ARIH1: variants seen among roughly 807,000 people sequenced by gnomAD.
ARIH1 encodes the protein E3 ubiquitin-protein ligase ARIH1.
In ARIH1, 8 loss-of-function variants were observed where a neutral mutation model predicts 85.0. The observed-to-expected ratio is 0.09, with a 90% CI of 0.06 to 0.17. ARIH1 has a LOEUF of 0.17. ARIH1 is among the 10% of genes least tolerant of loss of function. ARIH1 has a pLI of 1.00. For synonymous variants in ARIH1, 238 were observed against 253.6 expected (o/e 0.94, Z 0.59); for missense variants, 311 against 718.1 (o/e 0.43, Z 6.48).
At chr15:72,529,854 A>G (rs2064047993) in intron 2 of ARIH1, among the ~76,000 whole-genome samples, 1 of 152,198 alleles carries the variant, frequency 6.6e-6, no homozygotes, top group Non-Finnish European at 1.5e-5. Context: ...AAATGGTTGG[A>G]AATGTTTAAT....
In ARIH1 at chr15:72,588,917, T is replaced by C. The variant is rs1215323469; in HGVS notation, c.*5625T>C. On this transcript the variant is annotated 3_prime_UTR_variant, in exon 14 of 14. Coordinates refer to ENST00000379887, the MANE Select transcript of ARIH1 (RefSeq NM_005744.5). ...TTATAAGCAAAACTGTCATTAAAGCTAGTTGCGTCAAGTCTGCACAATTCC... is the reference window on the plus strand; with the variant it reads ...TTATAAGCAAAACTGTCATTAAAGCCAGTTGCGTCAAGTCTGCACAATTCC... 1 of 152,238 alleles carries C rather than the reference T, an allele frequency of 6.6e-6. No homozygotes were observed. Among genetic ancestry groups the C allele is most frequent in the African/African-American group, 2.4e-5 (1 of 41,466 alleles). 9.4% of individuals were successfully genotyped at this position (152,238 alleles called of 1,614,324 possible).
rs988651193 is a variant in ARIH1, at chr15:72,477,935, CT to C, written c.375+2922del. The stretch of plus-strand genomic sequence containing the variant: ...ATTCCCCTTGCCTCAGCTTCCCCCC[CT>C]ACCCCAGTATCTGGGATTACAGGCA... On this transcript the variant is annotated intron_variant, in intron 1 of 13. Transcript: ENST00000379887. Among the ~76,000 whole-genome samples the C allele has an allele frequency of 1.1e-4, 17 of 152,024 alleles. No individual in the cohort carries two copies. The East Asian group carries it at 1.5e-3, about 14-fold the overall frequency.
intron 1 of ARIH1, among the ~76,000 whole-genome samples, chr15:72,488,142 C>G (rs2063844687): frequency 6.6e-6 from 1 of 152,122 alleles, no homozygotes. Context: ...CTCAAGCGAT[C>G]CTCCCACCTC....
chr15:72,504,754 T>A (rs1039863378), intron 1 of ARIH1, among the ~76,000 whole-genome samples: 1 of 152,212 alleles, frequency 6.6e-6, no homozygotes, highest in Non-Finnish European at 1.5e-5. Flanking sequence ...TCAGGCTTTT[T>A]GGTTTGAAGT....
At chr15:72,548,106 G>A (rs2064137559) in intron 3 of ARIH1, among the ~76,000 whole-genome samples, 2 of 152,162 alleles carry the variant, frequency 1.3e-5, no homozygotes, top group South Asian at 4.1e-4. Context: ...GGTTAGTTGG[G>A]TAGATAAGTA....
chr15:72,520,913 G>A (rs1229845650), intron 2 of ARIH1, among the ~76,000 whole-genome samples: 1 of 151,644 alleles, frequency 6.6e-6, no homozygotes, highest in Non-Finnish European at 1.5e-5. Flanking sequence ...GTGAGATCAT[G>A]GCTCACTATA....
intron 2 of ARIH1, among the ~76,000 whole-genome samples, chr15:72,526,307 C>G (rs1041524701): frequency 2.0e-5 from 3 of 152,116 alleles, no homozygotes; most frequent in African/African-American, 7.2e-5. Context: ...TGCCCATGGT[C>G]CCCTGAGGGC....
chr15:72,554,632 C>T (rs970797716), intron 3 of ARIH1, among the ~76,000 whole-genome samples: 6 of 152,216 alleles, frequency 3.9e-5, no homozygotes, highest in South Asian at 2.1e-4. Context: ...AGTAATCCTC[C>T]GCTCTCAGCC....
At chr15:72,561,231 G>T (rs913006635) in intron 5 of ARIH1, among the ~76,000 whole-genome samples, 1 of 151,742 alleles carries the variant, frequency 6.6e-6, no homozygotes, top group Admixed American at 6.6e-5. Flanking sequence ...ATAAAAACTG[G>T]GTAAAAGTAG....
At chr15:72,488,506 A>G (rs906861097) in intron 1 of ARIH1, among the ~76,000 whole-genome samples, 27 of 152,286 alleles carry the variant, frequency 1.8e-4, no homozygotes, top group African/African-American at 6.5e-4. Flanking sequence ...ATAGTGCTTC[A>G]TATGGATATT....
chr15:72,516,369 T>C (rs188712290), intron 1 of ARIH1, among the ~76,000 whole-genome samples: 453 of 152,224 alleles, frequency 3.0e-3, no homozygotes, highest in Non-Finnish European at 5.6e-3. Context: ...TTAGTGACTT[T>C]ATTTCAGTTG....
chr15:72,573,938 CACTA>C (rs1249360264), intron 11 of ARIH1, among the ~76,000 whole-genome samples: 1 of 152,136 alleles, frequency 6.6e-6, no homozygotes, highest in African/African-American at 2.4e-5. Flanking sequence ...AGTCATATCC[CACTA>C]ACTTTCTATA....
rs1440595138 is a variant in ARIH1, at chr15:72,586,232, A to AAATGGTTG, written c.*2944_*2951dup. 6.6e-6 allele frequency: 1 copy of AAATGGTTG among 152,234 alleles called. No individual in the cohort carries two copies. The highest frequency in any genetic ancestry group is 1.9e-4 in the East Asian group (1 of 5,202). The allele number at this position is 152,234 out of a possible 1,614,324, so 9.4% of individuals were successfully genotyped here. Reference sequence around the variant, plus strand: ...ATCCAAGACTGGCTGACTTCATTTGAAATGGTTGAATCTGCTGTGTAATAA... The same window carrying AAATGGTTG: ...ATCCAAGACTGGCTGACTTCATTTGAAATGGTTGAATGGTTGAATCTGCTGTGTAATAA... On this transcript the variant is annotated 3_prime_UTR_variant, in exon 14 of 14. Coordinates refer to ENST00000379887, the MANE Select transcript of ARIH1 (RefSeq NM_005744.5).
rs779647789 is a variant in ARIH1 at position 72,565,937 on chromosome 15, AT to A, written c.912-619del. Among the ~76,000 whole-genome samples, 24 of 152,110 alleles carry A rather than the reference AT, an allele frequency of 1.6e-4. 1 individual carries two copies. The highest frequency in any genetic ancestry group is 1.9e-4 in the Non-Finnish European group (13 of 67,962). ...TAGCTAATTAATCTGTCATTTTATTATTTTTTTCTTAAGCATTTGTGTTTGT... is the reference window on the plus strand; with the variant it reads ...TAGCTAATTAATCTGTCATTTTATTATTTTTTCTTAAGCATTTGTGTTTGT... On this transcript the variant is annotated intron_variant, in intron 7 of 13. Transcript: ENST00000379887.
chr15:72,489,939 C>G (rs2063852363), intron 1 of ARIH1, among the ~76,000 whole-genome samples: 1 of 152,034 alleles, frequency 6.6e-6, no homozygotes, highest in Non-Finnish European at 1.5e-5. Flanking sequence ...TAAGTAGAGT[C>G]TTGTTAAAAG....
chr15:72,506,104 T>C (rs1249125828), intron 1 of ARIH1, among the ~76,000 whole-genome samples: 1 of 151,908 alleles, frequency 6.6e-6, no homozygotes, highest in South Asian at 2.1e-4. Flanking sequence ...ATACCAGCAC[T>C]TGGGGAGGCC....
At chr15:72,562,143 T>A (rs138890591) in intron 6 of ARIH1, among the ~76,000 whole-genome samples, 83 of 152,324 alleles carry the variant, frequency 5.4e-4, no homozygotes, top group African/African-American at 1.9e-3. Context: ...TGTTTAATCA[T>A]GTTTGAGATT....
intron 2 of ARIH1, among the ~76,000 whole-genome samples, chr15:72,534,262 C>T (rs1201895908): frequency 2.0e-5 from 3 of 151,154 alleles, no homozygotes; most frequent in Non-Finnish European, 4.4e-5. Context: ...ACTAAGTTTA[C>T]ATTGTTTAAG....
intron 1 of ARIH1, among the ~76,000 whole-genome samples, chr15:72,498,858 A>G (rs982814049): frequency 5.3e-5 from 8 of 152,058 alleles, no homozygotes; most frequent in Non-Finnish European, 1.0e-4. Flanking sequence ...TAAAAAAAAA[A>G]AAGAACTCTT....
Sources: allele counts gnomAD v4.1 joint callset (sites outside exome capture counted in the v4.1 genomes callset), GRCh38; gene constraint gnomAD v4.1.1; transcripts MANE v1.5; gene names NCBI Gene and HGNC (gene_info 2026-07-23, HGNC 2026-07-21).